NCALD: variants seen among roughly 807,000 people sequenced by gnomAD.
NCALD encodes neurocalcin delta, also known as neurocalcin-delta.
A neutral mutation model predicts 18.6 loss-of-function variants in NCALD; 10 were observed. The observed-to-expected ratio is 0.54, with a 90% CI of 0.33 to 0.91. NCALD has a LOEUF of 0.91. Among genes scored for constraint, NCALD ranks in the 40% least tolerant of loss-of-function variants. The probability of loss-of-function intolerance (pLI) is 0.03; values close to 1 mark genes in which losing one functional copy is unlikely to be tolerated. For missense variants in NCALD, 184 were observed against 247.6 expected (o/e 0.74, Z 1.72); for synonymous variants, 88 against 87.4 (o/e 1.01, Z -0.04).
At chr8:101,943,905 C>T (rs560319969) in intron 2 of NCALD, among the ~76,000 whole-genome samples, 1 of 151,876 alleles carries the variant, frequency 6.6e-6, no homozygotes, top group South Asian at 2.1e-4. Context: ...CACACCGCTG[C>T]ACTCCAGCCT....
intron 2 of NCALD, among the ~76,000 whole-genome samples, chr8:101,934,455 A>C (rs965351875): frequency 6.6e-6 from 1 of 152,172 alleles, no homozygotes; most frequent in Non-Finnish European, 1.5e-5. Context: ...AAATAAAAAC[A>C]GAGCCCTGGA....
chr8:101,806,472 A>G (rs796592985), intron 4 of NCALD, among the ~76,000 whole-genome samples: 1 of 152,306 alleles, frequency 6.6e-6, no homozygotes, highest in African/African-American at 2.4e-5. Flanking sequence ...GGCTACAATG[A>G]CAATGCCTCA....
intron 3 of NCALD, among the ~76,000 whole-genome samples, chr8:101,913,471 A>G (rs565814748): frequency 1.3e-5 from 2 of 152,358 alleles, no homozygotes; most frequent in Admixed American, 1.3e-4. Context: ...TTTTCAAAAT[A>G]TCAAAATTCT....
At chr8:101,876,400 A>G (rs1162305758) in intron 4 of NCALD, among the ~76,000 whole-genome samples, 1 of 152,208 alleles carries the variant, frequency 6.6e-6, no homozygotes, top group East Asian at 1.9e-4. Context: ...AGACAACAAA[A>G]CAAATAGCCT....
chr8:102,095,515 T>C (rs16869082), intron 1 of NCALD, among the ~76,000 whole-genome samples: 7,978 of 152,302 alleles, frequency 0.052, 264 homozygotes, highest in South Asian at 0.086. Context: ...GACTAGGGAC[T>C]GGCTCCAATT....
At chr8:101,801,643 C>CTTTTTCTTTTTTTTTT (rs1563783000) in intron 4 of NCALD, among the ~76,000 whole-genome samples, 2 of 44,140 alleles carry the variant, frequency 4.5e-5, no homozygotes, top group Non-Finnish European at 1.1e-4. Flanking sequence ...AGCACACTTA[C>CTTTTTCTTTTTTTTTT]TTTTTTTTTT....
intron 1 of NCALD, among the ~76,000 whole-genome samples, chr8:102,065,830 TAATA>T (rs1823991499): frequency 6.6e-6 from 1 of 152,148 alleles, no homozygotes; most frequent in Non-Finnish European, 1.5e-5. Context: ...TAAAATAAAG[TAATA>T]AATAAATAAA....
chr8:102,031,218 T>C (rs1204559284), intron 1 of NCALD, among the ~76,000 whole-genome samples: 1 of 152,122 alleles, frequency 6.6e-6, no homozygotes, highest in African/African-American at 2.4e-5. Context: ...CAAAATCTAG[T>C]CTATGAGAAA....
chr8:101,961,574 G>C (rs184328266), intron 2 of NCALD, among the ~76,000 whole-genome samples: 2 of 152,200 alleles, frequency 1.3e-5, no homozygotes, highest in East Asian at 3.9e-4. Flanking sequence ...GGGGTATTTT[G>C]GATCTGGTGT....
At chr8:102,123,560 G>A (rs560697983) in intron 1 of NCALD, among the ~76,000 whole-genome samples, 25 of 151,968 alleles carry the variant, frequency 1.6e-4, no homozygotes, top group African/African-American at 5.8e-4. Context: ...TTCTCTGGGA[G>A]CTAAAAATAA....
intron 1 of NCALD, among the ~76,000 whole-genome samples, chr8:101,766,516 TG>T (rs576008169): frequency 8.3e-4 from 126 of 152,326 alleles, no homozygotes; most frequent in African/African-American, 2.9e-3. Flanking sequence ...AAATTTTGTG[TG>T]CATCTATACA....
chr8:101,888,436 GAGAC>G (rs1816752910), intron 3 of NCALD, among the ~76,000 whole-genome samples: 1 of 151,702 alleles, frequency 6.6e-6, no homozygotes, highest in Non-Finnish European at 1.5e-5. Flanking sequence ...CAGAGTTCGG[GAGAC>G]AGAGTTTCAC....
chr8:101,732,590 C>CTTTTTTTTT lies in NCALD; in HGVS notation c.-19-12951_-19-12943dup, dbSNP rs576286368. Among the ~76,000 whole-genome samples, 22 of 53,676 alleles carry CTTTTTTTTT rather than the reference C, an allele frequency of 4.1e-4. 4 individuals carry two copies. Among genetic ancestry groups the CTTTTTTTTT allele is most frequent in the Non-Finnish European group, 6.4e-4 (19 of 29,748 alleles). The allele number at this position is 53,676 out of a possible 152,430, so 35.2% of individuals were successfully genotyped here. On this transcript the variant is annotated intron_variant, in intron 1 of 3. Coordinates refer to ENST00000220931, the MANE Select transcript of NCALD (RefSeq NM_032041.3). ...AATTCAGAGTATTTCTTTTTCTTTG[C>CTTTTTTTTT]TTTTTTTTTTTTTTTTTTTTTTTTT... is the stretch of plus-strand genomic sequence containing the variant.
chr8:102,046,664 C>T (rs566633378), intron 1 of NCALD, among the ~76,000 whole-genome samples: 1 of 152,148 alleles, frequency 6.6e-6, no homozygotes, highest in Non-Finnish European at 1.5e-5. Context: ...TCCACCATGC[C>T]CAGCTAATTT....
Position 102,016,407 on chromosome 8 carries a change from G to A in NCALD, c.-157+3830C>T, listed in dbSNP as rs1263574864. On this transcript the variant is annotated intron_variant, in intron 2 of 6. Coordinates refer to the NCALD transcript ENST00000311028. ...ACCACCACTACCACAGCTCTGCCTAGTACAATGAACAAGAGCAATCTACTG... is the reference window on the plus strand; with the variant it reads ...ACCACCACTACCACAGCTCTGCCTAATACAATGAACAAGAGCAATCTACTG... 5.9e-5 allele frequency among the ~76,000 whole-genome samples: 9 copies of A among 152,300 alleles called. No homozygotes were observed. The South Asian group carries it at 1.4e-3, about 25-fold the overall frequency.
Position 101,784,710 on chromosome 8 carries a change from A to T in NCALD, c.-20+6152T>A, listed in dbSNP as rs189018660. 2.8e-4 allele frequency among the ~76,000 whole-genome samples: 42 copies of T among 152,204 alleles called. No homozygotes were observed. In the East Asian group the frequency reaches 8.0e-3, roughly 29 times the overall value. ...TGGCTACTCAAGCAGCTGAGGTGGG[A>T]TGATTGCTTGAGCCCAGGTTTGAGG... On this transcript the variant is annotated intron_variant, in intron 1 of 3. Coordinates refer to ENST00000220931, the MANE Select transcript of NCALD (RefSeq NM_032041.3).
At chr8:101,700,526 C>T (rs1271875231) in intron 2 of NCALD, among the ~76,000 whole-genome samples, 1 of 152,166 alleles carries the variant, frequency 6.6e-6, no homozygotes, top group Non-Finnish European at 1.5e-5. Flanking sequence ...TCTGGGTCCC[C>T]TGGTGGCAAG....
intron 4 of NCALD, among the ~76,000 whole-genome samples, chr8:101,802,420 A>G (rs999129321): frequency 6.6e-6 from 1 of 152,142 alleles, no homozygotes; most frequent in Non-Finnish European, 1.5e-5. Flanking sequence ...TCTCACTTTA[A>G]CTTAAAAGCT....
At chr8:101,974,836 G>A (rs1321222401) in intron 2 of NCALD, among the ~76,000 whole-genome samples, 1 of 152,130 alleles carries the variant, frequency 6.6e-6, no homozygotes, top group Non-Finnish European at 1.5e-5. Context: ...GAAAGGACAG[G>A]AAATGGAAAA....
Sources: allele counts gnomAD v4.1 joint callset (sites outside exome capture counted in the v4.1 genomes callset), GRCh38; gene constraint gnomAD v4.1.1; transcripts MANE v1.5; gene names NCBI Gene and HGNC (gene_info 2026-07-23, HGNC 2026-07-21).